TTC6: variants seen among roughly 807,000 people sequenced by gnomAD.
TTC6 encodes tetratricopeptide repeat domain 6, also known as tetratricopeptide repeat protein 6.
A neutral mutation model predicts 210.4 loss-of-function variants in TTC6; 172 were observed. The ratio of observed to expected loss-of-function variants is 0.82; its 90% CI spans 0.72 to 0.93. The LOEUF (loss-of-function observed/expected upper bound fraction) is 0.93. Ranked by LOEUF, TTC6 falls within the 40% of genes least tolerant of loss-of-function variation. The pLI is 0.00. For missense variants in TTC6, 2,414 were observed against 2,318.1 expected, an observed-to-expected ratio of 1.04 and a Z score of -0.85; for synonymous variants, 804 against 819.6, an observed-to-expected ratio of 0.98 and a Z score of 0.32.
At chr14:37,604,307 G>A (rs951178626) in intron 1 of TTC6, among the ~76,000 whole-genome samples, 1 of 152,194 alleles carries the variant, frequency 6.6e-6, no homozygotes, top group Non-Finnish European at 1.5e-5. Flanking sequence ...AGCACCATCC[G>A]AAGGAGATCC....
intron 3 of TTC6, among the ~76,000 whole-genome samples, chr14:37,690,668 G>A (rs183246781): frequency 7.7e-4 from 117 of 152,210 alleles, no homozygotes; most frequent in Admixed American, 9.8e-4. Context: ...GGTCAATTCA[G>A]CAAGAGGATG....
chr14:37,815,707 T>A (rs2139453801), intron 25 of TTC6, among the ~76,000 whole-genome samples: 1 of 152,300 alleles, frequency 6.6e-6, no homozygotes, highest in East Asian at 1.9e-4. Context: ...TTCTATGTGG[T>A]ACACATTAGT....
exon 10 of TTC6, chr14:37,739,023 C>T (rs1435365491): frequency 8.5e-6 from 13 of 1,535,120 alleles, no homozygotes; most frequent in African/African-American, 1.4e-5. Flanking sequence ...CTCATTGAAG[C>T]GTCTAAAAAA....
chr14:37,699,938 G>A (rs2095821749), intron 4 of TTC6, among the ~76,000 whole-genome samples: 1 of 152,156 alleles, frequency 6.6e-6, no homozygotes, highest in Non-Finnish European at 1.5e-5. Flanking sequence ...TTGGAAACTG[G>A]AGAAGGAAAA....
At chr14:37,775,267 A>G (rs775650576) in intron 14 of TTC6, among the ~76,000 whole-genome samples, 1 of 152,098 alleles carries the variant, frequency 6.6e-6, no homozygotes, top group Non-Finnish European at 1.5e-5. Context: ...CTTTTCTGCT[A>G]TCTTTCAGGT....
chr14:37,784,806 A>G (rs2096063837), intron 14 of TTC6, among the ~76,000 whole-genome samples: 1 of 152,098 alleles, frequency 6.6e-6, no homozygotes, highest in African/African-American at 2.4e-5. Context: ...AGCTCCTGTA[A>G]GGCAGGCCTG....
chr14:37,773,477 C>T (rs1480790991), intron 14 of TTC6, among the ~76,000 whole-genome samples: 1 of 152,160 alleles, frequency 6.6e-6, no homozygotes, highest in African/African-American at 2.4e-5. Flanking sequence ...CTGCATATGG[C>T]TAGCCAGTCA....
intron 14 of TTC6, among the ~76,000 whole-genome samples, chr14:37,768,154 A>G (rs1455806502): frequency 1.3e-5 from 2 of 149,958 alleles, no homozygotes; most frequent in Non-Finnish European, 3.0e-5. Context: ...TGTTCCATTG[A>G]TCTATATCTC....
chr14:37,791,925 G>A (rs2096080572), intron 16 of TTC6, among the ~76,000 whole-genome samples: 1 of 152,138 alleles, frequency 6.6e-6, no homozygotes, highest in Admixed American at 6.6e-5. Flanking sequence ...AACATAGCCT[G>A]AGGTAAAGAC....
At chr14:37,780,948 G>C (rs2096053045) in intron 14 of TTC6, among the ~76,000 whole-genome samples, 1 of 152,138 alleles carries the variant, frequency 6.6e-6, no homozygotes, top group Non-Finnish European at 1.5e-5. Context: ...TCCCTGCAAA[G>C]GATGTGAACT....
chr14:37,722,244 A>G lies in TTC6; in HGVS notation c.1714-2654A>G, dbSNP rs73265358. Reference sequence around the variant, plus strand: ...TGCAGAGTTAATCATTCAGTTTGCTATGCAACAGCCATTGTCCTTTCAAGT... The same window carrying G: ...TGCAGAGTTAATCATTCAGTTTGCTGTGCAACAGCCATTGTCCTTTCAAGT... On this transcript the variant is annotated intron_variant, in intron 6 of 30. Transcript: ENST00000553443. Among the ~76,000 whole-genome samples the G allele has an allele frequency of 7.1e-4, 108 of 152,210 alleles. 1 individual carries two copies. The highest frequency in any genetic ancestry group is 2.6e-3 in the African/African-American group (106 of 41,550).
At chr14:37,753,067 TGA>T in intron 13 of TTC6, 30 bp from the exon 16 acceptor site, 1 of 1,476,214 alleles carries the variant, frequency 6.8e-7, no homozygotes, top group Non-Finnish European at 9.0e-7. Context: ...TTTCATTTTG[TGA>T]TGTTTATGTA....
At chr14:37,757,796 G>A (rs148512094) in intron 14 of TTC6, among the ~76,000 whole-genome samples, 71 of 152,104 alleles carry the variant, frequency 4.7e-4, no homozygotes, top group Non-Finnish European at 1.8e-4. Context: ...ATTTTAGATT[G>A]TTCCTGCTTT....
At chr14:37,729,893 C>A (rs184046893) in intron 7 of TTC6, among the ~76,000 whole-genome samples, 216 of 152,136 alleles carry the variant, frequency 1.4e-3, no homozygotes, top group Non-Finnish European at 2.3e-3. Context: ...TGAAGGTAGG[C>A]AAAATTGTTT....
chr14:37,839,410 T>C (rs1450718767), intron 29 of TTC6, among the ~76,000 whole-genome samples: 1 of 152,204 alleles, frequency 6.6e-6, no homozygotes, highest in Non-Finnish European at 1.5e-5. Flanking sequence ...TGATGAGCAT[T>C]TTTTCATAAG....
chr14:37,679,511 C>T (rs1470932847), intron 1 of TTC6, among the ~76,000 whole-genome samples: 1 of 152,060 alleles, frequency 6.6e-6, no homozygotes, highest in African/African-American at 2.4e-5. Context: ...CCCTTGGTTG[C>T]ATTAAATTTT....
At chr14:37,802,526 G>C (rs191933667) in intron 20 of TTC6, 2 of 152,090 alleles carry the variant, frequency 1.3e-5, no homozygotes, top group African/African-American at 4.8e-5. Flanking sequence ...TAGCTCAACC[G>C]ACACATTGAT....
intron 5 of TTC6, among the ~76,000 whole-genome samples, chr14:37,703,840 A>G (rs77096527): frequency 0.012 from 1,772 of 152,248 alleles, 42 homozygotes; most frequent in African/African-American, 0.041. Flanking sequence ...TGTATATTAT[A>G]GAGAGAAGTT....
Position 37,735,927 on chromosome 14 carries a change from C to T in TTC6, c.1825C>T (p.Gln609Ter), listed in dbSNP as rs780165157. The T allele has an allele frequency of 6.5e-7, 1 of 1,528,108 alleles. No homozygotes were observed. The highest frequency in any genetic ancestry group is 8.8e-7 in the Non-Finnish European group (1 of 1,140,704). The allele number at this position is 1,528,108 out of a possible 1,614,324, so 94.7% of individuals were successfully genotyped here. A position where few individuals can be genotyped will look rare whatever the true frequency, so the allele number is the denominator to read the frequency against. The change falls in exon 8 of 31, where the codon CAA (glutamine) becomes TAA (stop). Residue 609 changes from glutamine (Q) to a stop codon, truncating the protein, a stop_gained. Coordinates refer to ENST00000553443, the Ensembl canonical transcript of TTC6. LOFTEE classifies it high-confidence loss of function. ...TGTTATCTTTTTATCACAGAGTGTT[C>T]AAGCAAGCAGACTTTTAACTGATAA...
Sources: allele counts gnomAD v4.1 joint callset (sites outside exome capture counted in the v4.1 genomes callset), GRCh38; gene constraint gnomAD v4.1.1; transcripts MANE v1.5; gene names NCBI Gene and HGNC (gene_info 2026-07-23, HGNC 2026-07-21).